SMN2: variants seen among roughly 807,000 people sequenced by gnomAD.
The protein encoded by SMN2 is survival motor neuron protein.
In SMN2, 1 loss-of-function variant was observed where a neutral mutation model predicts 2.8. That is an observed-to-expected ratio of 0.35 (90% CI 0.13 to 1.68). The LOEUF is 1.68. Ranked by LOEUF, SMN2 falls within the 40% of genes most tolerant of loss-of-function variation. The pLI is 0.35. For synonymous variants in SMN2, 5 were observed against 5.0 expected, an observed-to-expected ratio of 0.99 and a Z score of 0.01; for missense variants, 12 against 16.9, an observed-to-expected ratio of 0.71 and a Z score of 0.51.
chr5:70,079,215 C>G (rs1774814766), downstream of SMN2, among the ~76,000 whole-genome samples: 2 of 137,966 alleles, frequency 1.4e-5, no homozygotes, highest in Non-Finnish European at 1.5e-5. Flanking sequence ...GGTGGATCAC[C>G]TGAGATCAGG....
downstream of SMN2, among the ~76,000 whole-genome samples, chr5:70,079,531 G>A (rs1233685316): frequency 2.8e-5 from 4 of 144,718 alleles, no homozygotes; most frequent in Middle Eastern, 3.5e-3. Flanking sequence ...CGAGACAGGC[G>A]GATCACTTGA....
the SMN2 span, among the ~76,000 whole-genome samples, chr5:70,083,741 G>A: frequency 3.1e-5 from 4 of 126,992 alleles, 1 homozygote; most frequent in Non-Finnish European, 4.8e-5. Context: ...TCATAGGTGG[G>A]AATTGAACAA....
At chr5:70,079,463 G>C (rs1774822928), downstream of SMN2, among the ~76,000 whole-genome samples, 2 of 146,358 alleles carry the variant, frequency 1.4e-5, no homozygotes, top group South Asian at 4.3e-4. Flanking sequence ...ACGTTACTAA[G>C]AGCAACTCTG....
At chr5:70,084,539 A>G in the SMN2 span, among the ~76,000 whole-genome samples, 2 of 137,284 alleles carry the variant, frequency 1.5e-5, 1 homozygote, top group East Asian at 4.1e-4. Context: ...TAGAGGTTAT[A>G]TTAATCTATA....
chr5:70,080,906 C>CT (rs1357740194), downstream of SMN2, among the ~76,000 whole-genome samples: 2 of 98,462 alleles, frequency 2.0e-5, no homozygotes, highest in East Asian at 5.9e-4. Context: ...GTTGCCGTTG[C>CT]TTTTGGTGTT....
rs1478623470 is a variant in SMN2 at position 70,075,529 on chromosome 5, A to G, written c.835-992A>G. On this transcript the variant is annotated intron_variant, in intron 7 of 8. Transcript: ENST00000380743. ...GTGCCCGGCCTAGTCTTGTATTTTT[A>G]GTAGAGTCGGGATTTCTCCATGTTG... Among the ~76,000 whole-genome samples the G allele has an allele frequency of 1.1e-4, 13 of 122,330 alleles. 5 individuals carry two copies. The highest frequency in any genetic ancestry group is 4.1e-4 in the African/African-American group (12 of 29,390). The allele number at this position is 122,330 out of a possible 152,430, so 80.3% of individuals were successfully genotyped here. A position where few individuals can be genotyped will look rare whatever the true frequency, so the allele number is the denominator to read the frequency against.
chr5:70,075,552 T>C (rs1330920436), intron 7 of SMN2, among the ~76,000 whole-genome samples: 2 of 123,786 alleles, frequency 1.6e-5, no homozygotes, highest in East Asian at 4.2e-4. Context: ...TTTCTCCATG[T>C]TGGTCAGGCT....
chr5:70,088,644 G>T, the SMN2 span, among the ~76,000 whole-genome samples: 15,528 of 122,486 alleles, frequency 0.13, 1,942 homozygotes, highest in Non-Finnish European at 0.14. Flanking sequence ...TCACCATGTT[G>T]GCCAGGCTGG....
In SMN2 at chr5:70,070,208, A is replaced by ATT. The variant is rs879531065; in HGVS notation, c.724-422_724-421dup. Among the ~76,000 whole-genome samples the ATT allele has an allele frequency of 1.9e-3, 221 of 116,598 alleles. 1 individual carries two copies. Among genetic ancestry groups the ATT allele is most frequent in the African/African-American group, 7.8e-3 (206 of 26,482 alleles). The allele number at this position is 116,598 out of a possible 152,430, so 76.5% of individuals were successfully genotyped here. On this transcript the variant is annotated intron_variant, in intron 6 of 8. Coordinates refer to ENST00000380743, the MANE Select transcript of SMN2 (RefSeq NM_017411.4). ...AAAAGCATGAAAGTATTTATGCTTGATTTTTTTTTTTTACTCATAGCTTCA... is the reference window on the plus strand; with the variant it reads ...AAAAGCATGAAAGTATTTATGCTTGATTTTTTTTTTTTTTACTCATAGCTTCA...
chr5:70,083,838 A>G, the SMN2 span, among the ~76,000 whole-genome samples: 11 of 133,038 alleles, frequency 8.3e-5, 1 homozygote, highest in Admixed American at 7.4e-4. Flanking sequence ...GCATTAGGAG[A>G]TATACCTAAT....
chr5:70,070,923 TTTAG>T (rs1314350962), intron 7 of SMN2, 172 bp downstream of exon 7: 1 of 72,866 alleles, frequency 1.4e-5, no homozygotes, highest in Admixed American at 1.4e-4. Flanking sequence ...TAAGTATAAT[TTTAG>T]TTAATTTTAA....
In SMN2 at chr5:70,076,589, A is replaced by C. The variant is rs372142764; in HGVS notation, c.*3+15A>C. The C allele has an allele frequency of 5.5e-6, 8 of 1,443,762 alleles. 1 individual carries two copies. The East Asian group carries it at 1.9e-4, about 34-fold the overall frequency. The allele number at this position is 1,443,762 out of a possible 1,614,324, so 89.4% of individuals were successfully genotyped here. ...TAAATTAAGGAGTAAGTCTGCCAGC[A>C]TTATGAAAGTGAATCTTACTTTTGT... On this transcript the variant is annotated intron_variant, in intron 8 of 8. Transcript: ENST00000380743.
the SMN2 span, among the ~76,000 whole-genome samples, chr5:70,088,424 C>CTTTTTTT: frequency 2.7e-5 from 1 of 36,660 alleles, no homozygotes; most frequent in Non-Finnish European, 4.2e-5. Context: ...AAGTTTCAAA[C>CTTTTTTT]TTTTTTTTTT....
rs1340249996 is a variant in SMN2 at position 70,076,409 on chromosome 5, G to A, written c.835-112G>A. ...GATCATATTTTGTTGAATAAAATAAGTAAAATGTCTTGTGAAACAAAATGC... is the reference window on the plus strand; with the variant it reads ...GATCATATTTTGTTGAATAAAATAAATAAAATGTCTTGTGAAACAAAATGC... On this transcript the variant is annotated intron_variant, in intron 7 of 8. Coordinates refer to ENST00000380743, the MANE Select transcript of SMN2 (RefSeq NM_017411.4). The A allele has an allele frequency of 1.5e-4, 80 of 534,230 alleles. 15 individuals are homozygous for A. The East Asian group carries it at 2.3e-3, about 15-fold the overall frequency. 33.1% of individuals were successfully genotyped at this position (534,230 alleles called of 1,614,324 possible). A position where few individuals can be genotyped will look rare whatever the true frequency, so the allele number is the denominator to read the frequency against.
At chr5:70,079,463 G>A (rs1774822928), downstream of SMN2, among the ~76,000 whole-genome samples, 1 of 146,300 alleles carries the variant, frequency 6.8e-6, no homozygotes, top group African/African-American at 2.6e-5. Context: ...ACGTTACTAA[G>A]AGCAACTCTG....
downstream of SMN2, among the ~76,000 whole-genome samples, chr5:70,083,252 C>T (rs1372808511): frequency 1.8e-5 from 2 of 110,932 alleles, no homozygotes; most frequent in Non-Finnish European, 3.5e-5. Flanking sequence ...TGTTCTTTTA[C>T]GTTTGCTGAG....
chr5:70,074,606 G>T (rs1774683347), intron 7 of SMN2, among the ~76,000 whole-genome samples: 1 of 128,364 alleles, frequency 7.8e-6, no homozygotes, highest in South Asian at 2.6e-4. Flanking sequence ...TCACCTCATT[G>T]CACTCCAGCC....
At chr5:70,085,338 T>A in the SMN2 span, among the ~76,000 whole-genome samples, 1 of 132,880 alleles carries the variant, frequency 7.5e-6, no homozygotes, top group South Asian at 2.3e-4. Flanking sequence ...TCCTCCCGGG[T>A]TCAAACGATT....
At chr5:70,079,594 A>AATGT (rs1167591304), downstream of SMN2, among the ~76,000 whole-genome samples, 2 of 136,754 alleles carry the variant, frequency 1.5e-5, no homozygotes, top group Non-Finnish European at 3.1e-5. Context: ...CTGACTCTAC[A>AATGT]AAACATGAAA....
Sources: allele counts gnomAD v4.1 joint callset (sites outside exome capture counted in the v4.1 genomes callset), GRCh38; gene constraint gnomAD v4.1.1; transcripts MANE v1.5; gene names NCBI Gene and HGNC (gene_info 2026-07-23, HGNC 2026-07-21).